SGMS2: variants seen among roughly 807,000 people sequenced by gnomAD.
The protein encoded by SGMS2 is phosphatidylcholine:ceramide cholinephosphotransferase 2.
A neutral mutation model predicts 43.8 loss-of-function variants in SGMS2; 21 were observed. That is an observed-to-expected ratio of 0.48 (90% CI 0.34 to 0.69). SGMS2 has a LOEUF of 0.69. Among genes scored for constraint, SGMS2 ranks in the 30% least tolerant of loss-of-function variants. The pLI, the probability that SGMS2 is intolerant of heterozygous loss-of-function variation, is 0.01. For missense variants in SGMS2, 384 were observed against 443.2 expected, an observed-to-expected ratio of 0.87 and a Z score of 1.20; for synonymous variants, 167 against 160.6, an observed-to-expected ratio of 1.04 and a Z score of -0.30.
At chr4:107,851,804 T>TC (rs1205690757) in intron 1 of SGMS2, among the ~76,000 whole-genome samples, 6 of 152,208 alleles carry the variant, frequency 3.9e-5, no homozygotes, top group African/African-American at 7.2e-5. Flanking sequence ...TATTTGAGCA[T>TC]GAGTAGTAAT....
intron 1 of SGMS2, among the ~76,000 whole-genome samples, chr4:107,855,649 G>C (rs979388514): frequency 2.6e-5 from 4 of 152,160 alleles, no homozygotes; most frequent in African/African-American, 9.7e-5. Flanking sequence ...TGAGAAGAAT[G>C]TGTATTGTAT....
At chr4:107,857,531 GATATAT>G (rs112123351) in intron 1 of SGMS2, among the ~76,000 whole-genome samples, 44 of 144,874 alleles carry the variant, frequency 3.0e-4, no homozygotes, top group East Asian at 8.1e-4. Context: ...GTAGTTAAAA[GATATAT>G]ATATATATAT....
intron 3 of SGMS2, 115 bp downstream of exon 3, chr4:107,896,123 A>G: frequency 1.1e-6 from 1 of 937,880 alleles, no homozygotes; most frequent in Non-Finnish European, 1.6e-6. Context: ...TTACCCAAAC[A>G]TTTGATGAAA....
chr4:107,882,319 G>A (rs1344147814), intron 2 of SGMS2, among the ~76,000 whole-genome samples: 1 of 152,148 alleles, frequency 6.6e-6, no homozygotes, highest in Non-Finnish European at 1.5e-5. Context: ...GGGGTTAGAT[G>A]ATATCTCATT....
chr4:107,831,790 A>AG (rs1248497068), intron 1 of SGMS2, among the ~76,000 whole-genome samples: 1 of 152,212 alleles, frequency 6.6e-6, no homozygotes, highest in Non-Finnish European at 1.5e-5. Context: ...AGTTGGTTGT[A>AG]CACTGCCATT....
chr4:107,852,015 T>C (rs907071227), intron 1 of SGMS2, among the ~76,000 whole-genome samples: 1 of 152,070 alleles, frequency 6.6e-6, no homozygotes, highest in African/African-American at 2.4e-5. Flanking sequence ...AAAAATGAGG[T>C]GTACCGTTTT....
chr4:107,901,215 C>T (rs1029485628), intron 4 of SGMS2, among the ~76,000 whole-genome samples: 1 of 152,118 alleles, frequency 6.6e-6, no homozygotes, highest in African/African-American at 2.4e-5. Context: ...GTTCACTTGT[C>T]GGGACCCCTT....
Position 107,895,969 on chromosome 4 carries a change from T to C in SGMS2, c.416T>C (p.Val139Ala). ...TCAGAAATAAATGGGATTATATTAG[T>C]TGGATTATGGATCACCCAGTGGCTG... ...SVSEINGIIL[V>A]GLWITQWLFL... is the part of the protein sequence containing the mutation. Residue 139 changes from valine to alanine, a missense_variant, in exon 3 of 7, where the codon GTT (valine) becomes GCT (alanine). Transcript: ENST00000690982. 1.2e-6 allele frequency: 2 copies of C among 1,613,814 alleles called. No individual in the cohort carries two copies. Among genetic ancestry groups the C allele is most frequent in the South Asian group, 1.1e-5 (1 of 91,068 alleles).
intron 2 of SGMS2, among the ~76,000 whole-genome samples, chr4:107,878,661 G>A (rs1378465682): frequency 6.6e-6 from 1 of 151,840 alleles, no homozygotes; most frequent in African/African-American, 2.4e-5. Flanking sequence ...ATTGTACCGT[G>A]GATTATTAAA....
chr4:107,864,916 A>G, intron 2 of SGMS2, among the ~76,000 whole-genome samples: 1 of 152,198 alleles, frequency 6.6e-6, no homozygotes, highest in South Asian at 2.1e-4. Flanking sequence ...GGTTTATTTT[A>G]TAAAGAGCCC....
chr4:107,850,064 G>T (rs1045890333), intron 1 of SGMS2, among the ~76,000 whole-genome samples: 1 of 152,136 alleles, frequency 6.6e-6, no homozygotes, highest in Non-Finnish European at 1.5e-5. Flanking sequence ...TCTTGGTACT[G>T]TTCTCACAAT....
At chr4:107,842,017 G>C (rs1297477454) in intron 1 of SGMS2, among the ~76,000 whole-genome samples, 3 of 152,076 alleles carry the variant, frequency 2.0e-5, no homozygotes, top group Non-Finnish European at 4.4e-5. Flanking sequence ...GTTGGAAGTA[G>C]AGCTTGAAAG....
At chr4:107,860,036 G>A (rs1022066305) in intron 2 of SGMS2, among the ~76,000 whole-genome samples, 4 of 151,534 alleles carry the variant, frequency 2.6e-5, no homozygotes, top group South Asian at 2.1e-4. Flanking sequence ...CATACATTTC[G>A]CATTCACAGA....
chr4:107,904,967 G>A (rs1422056363), intron 5 of SGMS2, among the ~76,000 whole-genome samples: 1 of 152,294 alleles, frequency 6.6e-6, no homozygotes, highest in East Asian at 1.9e-4. Flanking sequence ...AGATGGGGAT[G>A]AGGGTGGAGG....
rs1299217540 is a variant in SGMS2 at position 107,913,226 on chromosome 4, A to C, written c.*2673A>C. 1 of 152,094 alleles carries C rather than the reference A, an allele frequency of 6.6e-6. No homozygotes were observed. Among genetic ancestry groups the C allele is most frequent in the Non-Finnish European group, 1.5e-5 (1 of 68,016 alleles). The allele number at this position is 152,094 out of a possible 1,614,324, so 9.4% of individuals were successfully genotyped here. On this transcript the variant is annotated 3_prime_UTR_variant, in exon 7 of 7. Coordinates refer to ENST00000690982, the MANE Select transcript of SGMS2 (RefSeq NM_001375905.1). ...GAAATACCTATAACATATAATTCCT[A>C]TAGAGTATGCCACATTTTTTTTCTA...
chr4:107,895,099 A>G (rs1256002603), intron 2 of SGMS2, among the ~76,000 whole-genome samples: 1 of 152,246 alleles, frequency 6.6e-6, no homozygotes, highest in Non-Finnish European at 1.5e-5. Flanking sequence ...TTCTACCAAT[A>G]CTAGCTCAAA....
chr4:107,892,135 C>T (rs1478108008), intron 2 of SGMS2, among the ~76,000 whole-genome samples: 1 of 149,948 alleles, frequency 6.7e-6, no homozygotes, highest in Non-Finnish European at 1.5e-5. Context: ...ACCTCATCTT[C>T]CCTGTTGGAA....
At chr4:107,888,860 T>G (rs1319178258) in intron 2 of SGMS2, among the ~76,000 whole-genome samples, 1 of 152,218 alleles carries the variant, frequency 6.6e-6, no homozygotes, top group Non-Finnish European at 1.5e-5. Flanking sequence ...TCTACAATTA[T>G]TTATCCCATT....
chr4:107,898,893 C>T (rs1374430255), intron 3 of SGMS2, among the ~76,000 whole-genome samples: 1 of 152,050 alleles, frequency 6.6e-6, no homozygotes, highest in Non-Finnish European at 1.5e-5. Context: ...TTTTTTTGAT[C>T]AAGATTGAAT....
Sources: gnomAD v4.1 joint callset for allele counts (sites outside exome capture counted in the v4.1 genomes callset) on GRCh38, gnomAD v4.1.1 for gene constraint, MANE v1.5 for transcripts, NCBI Gene and HGNC (gene_info 2026-07-23, HGNC 2026-07-21) for gene names.